PBX1: variants seen among roughly 807,000 people sequenced by gnomAD.
The protein encoded by PBX1 is pre-B-cell leukemia transcription factor 1.
A neutral mutation model predicts 53.4 loss-of-function variants in PBX1; 6 were observed. The observed-to-expected ratio is 0.11, with a 90% CI of 0.06 to 0.22. The LOEUF (loss-of-function observed/expected upper bound fraction) is 0.22, where lower values mean the gene tolerates loss of function less well. Among genes scored for constraint, PBX1 ranks in the 10% least tolerant of loss-of-function variants. The pLI is 1.00. For missense variants in PBX1, 251 were observed against 551.4 expected, an observed-to-expected ratio of 0.46 and a Z score of 5.46; for synonymous variants, 204 against 212.3, an observed-to-expected ratio of 0.96 and a Z score of 0.34.
chr1:164,848,882 T>A lies in PBX1; in HGVS notation c.*2206T>A, dbSNP rs775911091. 3 of 1,067,358 alleles carry A rather than the reference T, an allele frequency of 2.8e-6. No individual in the cohort carries two copies. The highest frequency in any genetic ancestry group is 3.4e-6 in the Non-Finnish European group (3 of 880,702). 66.1% of individuals were successfully genotyped at this position (1,067,358 alleles called of 1,614,324 possible). ...GCCACTGAAGAAACTCAAGGGAATG[T>A]GTATTTGAAGGAAATGCAAAAACTA... On this transcript the variant is annotated 3_prime_UTR_variant, in exon 9 of 9. Transcript: ENST00000420696.
At position 164,847,303 on chromosome 1, in the gene PBX1, G is replaced by A. The variant is rs568555769; in HGVS notation, c.*627G>A. On this transcript the variant is annotated 3_prime_UTR_variant, in exon 9 of 9. Coordinates refer to ENST00000420696, the MANE Select transcript of PBX1 (RefSeq NM_002585.4). ...CTTCCTAGCCCCAGCTATTCACTGG[G>A]GACTGTCATAGCTGGGATTCTAAAG... The A allele has an allele frequency of 2.6e-5, 28 of 1,065,324 alleles. No individual in the cohort carries two copies. In the African/African-American group the frequency reaches 3.8e-4, roughly 14 times the overall value. 66.0% of individuals were successfully genotyped at this position (1,065,324 alleles called of 1,614,324 possible).
chr1:164,844,754 A>G (rs941690104), intron 8 of PBX1, among the ~76,000 whole-genome samples: 2 of 152,188 alleles, frequency 1.3e-5, no homozygotes, highest in African/African-American at 2.4e-5. Context: ...TATCACCCCT[A>G]TGGCAGACTT....
chr1:164,640,856 C>T (rs933653740), intron 2 of PBX1, among the ~76,000 whole-genome samples: 9 of 152,136 alleles, frequency 5.9e-5, no homozygotes, highest in African/African-American at 1.4e-4. Flanking sequence ...CTGCAGCGGC[C>T]GGTTCCTTGT....
chr1:164,744,303 A>G (rs1665776866), intron 2 of PBX1, among the ~76,000 whole-genome samples: 1 of 152,212 alleles, frequency 6.6e-6, no homozygotes, highest in South Asian at 2.1e-4. Context: ...TCTCTGTTCC[A>G]TAGTTCCTTA....
At chr1:164,712,513 C>T (rs544504388) in intron 2 of PBX1, among the ~76,000 whole-genome samples, 1 of 152,296 alleles carries the variant, frequency 6.6e-6, no homozygotes, top group South Asian at 2.1e-4. Flanking sequence ...GAGTGGTACA[C>T]ACTCTGGCCC....
intron 2 of PBX1, among the ~76,000 whole-genome samples, chr1:164,624,484 ATCTT>A (rs1553218874): frequency 2.0e-5 from 3 of 152,192 alleles, no homozygotes; most frequent in Non-Finnish European, 4.4e-5. Context: ...TTCAGCTGGT[ATCTT>A]TCTTCCTCTA....
intron 2 of PBX1, among the ~76,000 whole-genome samples, chr1:164,696,687 A>G (rs1340135557): frequency 6.6e-6 from 1 of 152,196 alleles, no homozygotes; most frequent in African/African-American, 2.4e-5. Context: ...TCTTCATTTC[A>G]GATTGTGGTA....
Position 164,848,035 on chromosome 1 carries a change from G to A in PBX1, c.*1359G>A. 9.5e-7 allele frequency: 1 copy of A among 1,050,014 alleles called. No individual in the cohort carries two copies. Among genetic ancestry groups the A allele is most frequent in the Non-Finnish European group, 1.1e-6 (1 of 869,708 alleles). 65.0% of individuals were successfully genotyped at this position (1,050,014 alleles called of 1,614,324 possible). On this transcript the variant is annotated 3_prime_UTR_variant, in exon 9 of 9. Coordinates refer to ENST00000420696, the MANE Select transcript of PBX1 (RefSeq NM_002585.4). ...AAATGTTATACCACACTATGTTCTT[G>A]GTCCTGACCTATTGCTCTGGAGGAA...
intron 2 of PBX1, among the ~76,000 whole-genome samples, chr1:164,708,220 C>T (rs558758077): frequency 2.6e-5 from 4 of 152,214 alleles, no homozygotes; most frequent in Admixed American, 6.5e-5. Flanking sequence ...CTGGACTGCA[C>T]GCAGCCTTTT....
At chr1:164,691,159 C>T (rs1269161867) in intron 2 of PBX1, among the ~76,000 whole-genome samples, 2 of 151,788 alleles carry the variant, frequency 1.3e-5, no homozygotes, top group South Asian at 2.1e-4. Flanking sequence ...GGATTACAGG[C>T]ATGCACCACC....
intron 4 of PBX1, among the ~76,000 whole-genome samples, chr1:164,804,116 T>G (rs1245581189): frequency 2.0e-5 from 3 of 152,176 alleles, no homozygotes; most frequent in East Asian, 3.8e-4. Flanking sequence ...TTAGAAAGAT[T>G]AGTGATTCTC....
chr1:164,716,729 C>CAG (rs1553234818), intron 2 of PBX1, among the ~76,000 whole-genome samples: 8 of 140,468 alleles, frequency 5.7e-5, no homozygotes, highest in African/African-American at 2.1e-4. Flanking sequence ...CACACACACA[C>CAG]AGAAATACAC....
intron 2 of PBX1, among the ~76,000 whole-genome samples, chr1:164,687,561 T>TAGA (rs1662183368): frequency 1.8e-5 from 2 of 110,490 alleles, no homozygotes; most frequent in African/African-American, 7.0e-5. Context: ...AGACCTTGTC[T>TAGA]AAAAAAAAAA....
At chr1:164,871,007 A>G (rs1238044232) in intron 2 of PBX1, among the ~76,000 whole-genome samples, 1 of 152,170 alleles carries the variant, frequency 6.6e-6, no homozygotes, top group Non-Finnish European at 1.5e-5. Context: ...CTCTAGTTTT[A>G]TAATCATTAT....
intron 2 of PBX1, among the ~76,000 whole-genome samples, chr1:164,878,272 G>C (rs1408310116): frequency 6.6e-6 from 1 of 151,928 alleles, no homozygotes; most frequent in Non-Finnish European, 1.5e-5. Flanking sequence ...AGATAATATA[G>C]GTAAACTGCA....
At chr1:164,685,447 T>C (rs894433849) in intron 2 of PBX1, among the ~76,000 whole-genome samples, 9 of 152,348 alleles carry the variant, frequency 5.9e-5, no homozygotes, top group African/African-American at 1.9e-4. Context: ...TCATGCTTCC[T>C]GTGGTGGAAG....
At chr1:164,561,433 A>T (rs1447346985) in intron 1 of PBX1, among the ~76,000 whole-genome samples, 2 of 152,204 alleles carry the variant, frequency 1.3e-5, no homozygotes, top group Non-Finnish European at 2.9e-5. Flanking sequence ...GTTTTGTTTA[A>T]ATAGGGGAAA....
intron 2 of PBX1, among the ~76,000 whole-genome samples, chr1:164,584,827 T>C (rs1654846570): frequency 6.6e-6 from 1 of 152,090 alleles, no homozygotes; most frequent in African/African-American, 2.4e-5. Flanking sequence ...TCCAGTACCT[T>C]CCTTTTATCC....
At chr1:164,701,909 G>C (rs1663144329) in intron 2 of PBX1, among the ~76,000 whole-genome samples, 1 of 151,866 alleles carries the variant, frequency 6.6e-6, no homozygotes, top group South Asian at 2.1e-4. Flanking sequence ...ACAACCTTTT[G>C]GTCTATATTA....
Sources: allele counts gnomAD v4.1 joint callset (sites outside exome capture counted in the v4.1 genomes callset), GRCh38; gene constraint gnomAD v4.1.1; transcripts MANE v1.5; gene names NCBI Gene and HGNC (gene_info 2026-07-23, HGNC 2026-07-21).